The following ESR1 variants were observed in gnomAD, a reference collection of about 807,000 sequenced individuals.
ESR1 encodes the protein estrogen receptor 1, also known as estrogen receptor.
Under a neutral mutation model 52.7 loss-of-function variants are expected in ESR1, and 12 were observed. The observed-to-expected ratio is 0.23, with a 90% CI of 0.15 to 0.37. The LOEUF (loss-of-function observed/expected upper bound fraction) is 0.37, where lower values mean the gene tolerates loss of function less well. Among genes scored for constraint, ESR1 ranks in the 10% least tolerant of loss-of-function variants. The pLI, the probability that ESR1 is intolerant of heterozygous loss-of-function variation, is 1.00. For synonymous variants in ESR1, 305 were observed against 316.8 expected (o/e 0.96, Z 0.39); for missense variants, 584 against 779.7 (o/e 0.75, Z 2.99).
intron 4 of ESR1, among the ~76,000 whole-genome samples, chr6:151,967,028 A>G (rs1271386915): frequency 1.3e-5 from 2 of 152,124 alleles, no homozygotes; most frequent in Non-Finnish European, 2.9e-5. Flanking sequence ...CCTTATTTAG[A>G]GTGGGATGGA....
intron 4 of ESR1, among the ~76,000 whole-genome samples, chr6:152,007,673 A>G (rs2042434861): frequency 6.6e-6 from 1 of 152,010 alleles, no homozygotes; most frequent in Non-Finnish European, 1.5e-5. Context: ...TATTCTTACT[A>G]CTTTTTCGAT....
chr6:151,903,338 C>T (rs777900912), intron 3 of ESR1, among the ~76,000 whole-genome samples: 3 of 152,108 alleles, frequency 2.0e-5, no homozygotes, highest in Admixed American at 6.6e-5. Context: ...GCTCTTTGTA[C>T]CCTGCCAGCT....
In ESR1 at chr6:151,807,912, C is replaced by A. The variant is rs1211466389; in HGVS notation, c.-1C>A. The A allele has an allele frequency of 6.2e-7, 1 of 1,613,430 alleles. No homozygotes were observed. The highest frequency in any genetic ancestry group is 8.5e-7 in the Non-Finnish European group (1 of 1,179,710). Reference sequence around the variant, plus strand: ...CTGCACCCTGCCCGCGGCCACGGACCATGACCATGACCCTCCACACCAAAG... The same window carrying A: ...CTGCACCCTGCCCGCGGCCACGGACAATGACCATGACCCTCCACACCAAAG... On this transcript the variant is annotated 5_prime_UTR_variant, in exon 1 of 8. Coordinates refer to ENST00000206249, the MANE Select transcript of ESR1 (RefSeq NM_000125.4).
intron 2 of ESR1, among the ~76,000 whole-genome samples, chr6:151,732,768 T>C (rs541031553): frequency 6.6e-6 from 1 of 152,294 alleles, no homozygotes; most frequent in South Asian, 2.1e-4. Context: ...TCAGATCTCA[T>C]CTTGCAGACT....
chr6:151,875,594 T>A (rs565506331), intron 2 of ESR1, among the ~76,000 whole-genome samples: 11 of 152,268 alleles, frequency 7.2e-5, no homozygotes, highest in Admixed American at 6.5e-4. Context: ...TAGTAAGTCC[T>A]ATGATGAGAC....
At chr6:152,078,807 G>A (rs768173719) in intron 6 of ESR1, among the ~76,000 whole-genome samples, 1 of 152,254 alleles carries the variant, frequency 6.6e-6, no homozygotes, top group Non-Finnish European at 1.5e-5. Flanking sequence ...ACAACTGGAA[G>A]ACCAGGAGAT....
chr6:151,992,769 C>G (rs1281927503), intron 4 of ESR1, among the ~76,000 whole-genome samples: 3 of 152,060 alleles, frequency 2.0e-5, no homozygotes, highest in Non-Finnish European at 4.4e-5. Flanking sequence ...TTTTTTGTGA[C>G]TCGTGTAGAG....
At chr6:152,007,342 C>T (rs1046859379) in intron 4 of ESR1, among the ~76,000 whole-genome samples, 5 of 151,910 alleles carry the variant, frequency 3.3e-5, no homozygotes, top group African/African-American at 1.2e-4. Context: ...AAAACCGTTA[C>T]TGTATAATGG....
intron 1 of ESR1, among the ~76,000 whole-genome samples, chr6:151,681,406 G>T (rs995750668): frequency 6.6e-6 from 1 of 151,994 alleles, no homozygotes; most frequent in African/African-American, 2.4e-5. Context: ...AGGAGGGGAC[G>T]GCGGTGCTGA....
At position 152,095,000 on chromosome 6, in the gene ESR1, G is replaced by A. The variant is rs1315456257; in HGVS notation, c.1553+432G>A. 6.6e-6 allele frequency among the ~76,000 whole-genome samples: 1 copy of A among 152,094 alleles called. No homozygotes were observed. The highest frequency in any genetic ancestry group is 2.4e-5 in the African/African-American group (1 of 41,416). Reference sequence around the variant, plus strand: ...AGATGCCTCACGGAGAGTCAATGTTGACTCCTTCATACCTGTTGAACCCCT... The same window carrying A: ...AGATGCCTCACGGAGAGTCAATGTTAACTCCTTCATACCTGTTGAACCCCT... On this transcript the variant is annotated intron_variant, in intron 7 of 7. Transcript: ENST00000206249. The surrounding 1 kb of genome is among the most constrained non-coding windows in gnomAD (Gnocchi z 4.6).
intron 2 of ESR1, among the ~76,000 whole-genome samples, chr6:151,849,340 C>A (rs192810084): frequency 3.0e-4 from 46 of 152,064 alleles, no homozygotes; most frequent in Non-Finnish European, 5.7e-4. Context: ...TAGAATATGG[C>A]GAAGGGTCAG....
intron 4 of ESR1, among the ~76,000 whole-genome samples, chr6:151,947,749 A>G (rs1326188334): frequency 6.6e-6 from 1 of 152,198 alleles, no homozygotes; most frequent in African/African-American, 2.4e-5. Flanking sequence ...TCCATAAAGT[A>G]CTTCTGGTAG....
At chr6:151,735,996 C>T (rs570179405) in intron 2 of ESR1, among the ~76,000 whole-genome samples, 9 of 152,170 alleles carry the variant, frequency 5.9e-5, no homozygotes, top group Non-Finnish European at 1.3e-4. Context: ...TCCCCTTCTG[C>T]CATAATTGTA....
At chr6:152,013,884 T>C (rs919760922) in intron 5 of ESR1, among the ~76,000 whole-genome samples, 2 of 152,156 alleles carry the variant, frequency 1.3e-5, no homozygotes, top group African/African-American at 4.8e-5. Flanking sequence ...TCTTTCATTC[T>C]TTCTTGGTTG....
chr6:151,777,975 A>G (rs1786175531), intron 2 of ESR1, among the ~76,000 whole-genome samples: 1 of 152,090 alleles, frequency 6.6e-6, no homozygotes, highest in Non-Finnish European at 1.5e-5. Context: ...ATAAATAAAT[A>G]AATAAATAAA....
intron 3 of ESR1, among the ~76,000 whole-genome samples, chr6:151,935,339 G>A (rs1329192291): frequency 6.6e-6 from 1 of 152,204 alleles, no homozygotes; most frequent in East Asian, 1.9e-4. Flanking sequence ...AACCAGACTT[G>A]GAAAACAGGT....
intron 4 of ESR1, among the ~76,000 whole-genome samples, chr6:151,999,846 T>A (rs866324786): frequency 2.0e-5 from 3 of 152,082 alleles, no homozygotes; most frequent in Admixed American, 6.6e-5. Flanking sequence ...TTGTGATTTT[T>A]AAAAATATTT....
At chr6:152,073,421 A>T (rs1436636674) in intron 6 of ESR1, among the ~76,000 whole-genome samples, 2 of 152,228 alleles carry the variant, frequency 1.3e-5, no homozygotes, top group African/African-American at 4.8e-5. Context: ...AAAGCCACCA[A>T]GCAAAATAAT....
At chr6:151,914,069 A>G (rs989550630) in intron 3 of ESR1, among the ~76,000 whole-genome samples, 1 of 152,112 alleles carries the variant, frequency 6.6e-6, no homozygotes, top group African/African-American at 2.4e-5. Context: ...TTAAAATCAT[A>G]GGAAAAATAA....
Sources: gnomAD v4.1 joint callset for allele counts (sites outside exome capture counted in the v4.1 genomes callset) on GRCh38, gnomAD v4.1.1 for gene constraint, Gnocchi (gnomAD v3.1) non-coding constraint, MANE v1.5 for transcripts, NCBI Gene and HGNC (gene_info 2026-07-23, HGNC 2026-07-21) for gene names.